The following CHD1L variants were observed in gnomAD, a reference collection of about 807,000 sequenced individuals.
CHD1L encodes the protein ATP-dependent chromatin remodeler CHD1L.
Under a neutral mutation model 115.9 loss-of-function variants are expected in CHD1L, and 118 were observed. The ratio of observed to expected loss-of-function variants is 1.02; its 90% CI spans 0.88 to 1.19. CHD1L has a LOEUF of 1.19. Ranked by LOEUF, CHD1L falls within the 50% of genes most tolerant of loss-of-function variation. CHD1L has a pLI of 0.00. For synonymous variants in CHD1L, 411 were observed against 387.1 expected, an observed-to-expected ratio of 1.06 and a Z score of -0.72; for missense variants, 1,179 against 1,065.3, an observed-to-expected ratio of 1.11 and a Z score of -1.49.
At position 147,254,982 on chromosome 1, in the gene CHD1L, G is replaced by C. The variant is rs782443190; in HGVS notation, c.347+6G>C. ...TGGAAAGAAGAAATGCAGAGGTACA[G>C]AGTAGATGTAGCTGAAATTTTATTG... is the stretch of plus-strand genomic sequence containing the variant. On this transcript the variant is annotated splice_donor_region_variant and intron_variant, in intron 3 of 22. Transcript: ENST00000369258. The C allele has an allele frequency of 3.9e-6, 6 of 1,553,924 alleles. No individual in the cohort carries two copies. Among genetic ancestry groups the C allele is most frequent in the East Asian group, 2.3e-5 (1 of 44,052 alleles).
chr1:147,288,886 G>C (rs1244582980), intron 19 of CHD1L, among the ~76,000 whole-genome samples: 6 of 152,046 alleles, frequency 3.9e-5, no homozygotes, highest in African/African-American at 1.4e-4. Flanking sequence ...AAGGGAAAAA[G>C]GCACCTCCTT....
Position 147,287,685 on chromosome 1 carries a change from C to T in CHD1L, c.2272C>T (p.Arg758Ter), listed in dbSNP as rs190301424. 82 of 1,613,890 alleles carry T rather than the reference C, an allele frequency of 5.1e-5. No individual in the cohort carries two copies. The East Asian group carries it at 1.0e-3, about 21-fold the overall frequency. Residue 758 changes from arginine (R) to a stop codon, truncating the protein, a stop_gained, in exon 19 of 23, where the codon CGA becomes TGA. Coordinates refer to ENST00000369258, the MANE Select transcript of CHD1L (RefSeq NM_004284.6). LOFTEE classifies it high-confidence loss of function. ...RGGLFTALEK[R>*]SAEPRKIYEL... ...TGGTTTATTTACAGCTCTGGAAAAG[C>T]GATCCGCTGAGCCAAGAAAAATATA...
chr1:147,209,955 A>C, the CHD1L span: 1 of 152,188 alleles, frequency 6.6e-6, no homozygotes, highest in Non-Finnish European at 1.5e-5. Context: ...CTGTCTCTTC[A>C]AATGTGTTTT....
the CHD1L span, among the ~76,000 whole-genome samples, chr1:147,231,970 T>C: frequency 5.2e-4 from 79 of 152,356 alleles, no homozygotes; most frequent in African/African-American, 1.8e-3. Context: ...CCCAGTGAGA[T>C]GAACCCAGTA....
At chr1:147,221,932 G>C in the CHD1L span, among the ~76,000 whole-genome samples, 2 of 152,254 alleles carry the variant, frequency 1.3e-5, no homozygotes, top group African/African-American at 4.8e-5. Context: ...TATTGGGTTA[G>C]TGAGTAGAAG....
chr1:147,275,190 C>A (rs1677864467), intron 12 of CHD1L, among the ~76,000 whole-genome samples, 164 bp from the exon 13 acceptor site: 1 of 152,154 alleles, frequency 6.6e-6, no homozygotes. Flanking sequence ...CTTCTCACCG[C>A]TGGAACAAGG....
chr1:147,259,798 A>C (rs1365148061), intron 5 of CHD1L, 39 bp from the exon 6 acceptor site: 2 of 1,539,728 alleles, frequency 1.3e-6, no homozygotes, highest in Admixed American at 1.7e-5. Context: ...ATATGTGTTT[A>C]AATTACACAA....
At chr1:147,173,380 G>C in the CHD1L span, 2 of 152,304 alleles carry the variant, frequency 1.3e-5, no homozygotes, top group African/African-American at 4.8e-5. Context: ...TCGCAGGGAA[G>C]AATTCAAGAT....
the CHD1L span, among the ~76,000 whole-genome samples, chr1:147,228,964 G>A: frequency 6.6e-6 from 1 of 152,122 alleles, no homozygotes; most frequent in Non-Finnish European, 1.5e-5. Context: ...TAGGTTGCCT[G>A]TTCACTCTGA....
chr1:147,289,644 A>G (rs1684724852), intron 19 of CHD1L, among the ~76,000 whole-genome samples: 1 of 152,198 alleles, frequency 6.6e-6, no homozygotes, highest in South Asian at 2.1e-4. Context: ...GGCTTCATGG[A>G]GGTCCTGGGC....
At position 147,285,480 on chromosome 1, in the gene CHD1L, A is replaced by G; in HGVS notation, c.2011A>G (p.Lys671Glu). The change falls in exon 17 of 23, where the codon AAG (lysine) becomes GAG (glutamate). Residue 671 changes from lysine (K) to glutamate (E), a missense_variant. Transcript: ENST00000369258. ...GAGGCAAAAGGAAGAGGCTGAACAT[A>G]AGAAAAAGTATGTCTGCGTTAACCA... The part of the protein sequence containing the change: ...KKRQKEEAEH[K>E]KKMAWWESNN... 1 of 1,610,454 alleles carries G rather than the reference A, an allele frequency of 6.2e-7. No individual in the cohort carries two copies. The highest frequency in any genetic ancestry group is 2.2e-5 in the East Asian group (1 of 44,846).
At chr1:147,190,385 T>C in the CHD1L span, 8 of 578,636 alleles carry the variant, frequency 1.4e-5, no homozygotes, top group East Asian at 2.3e-4. Flanking sequence ...TACAATTCAC[T>C]TGATCACCTT....
intron 15 of CHD1L, among the ~76,000 whole-genome samples, chr1:147,281,621 C>A (rs1422871637): frequency 1.3e-5 from 2 of 152,070 alleles, no homozygotes; most frequent in Non-Finnish European, 2.9e-5. Flanking sequence ...AGAACTCTTT[C>A]TTGTTCTCTG....
chr1:147,204,885 C>T, the CHD1L span: 1 of 1,588,386 alleles, frequency 6.3e-7, no homozygotes, highest in Non-Finnish European at 8.6e-7. Flanking sequence ...TCGCTCCCTC[C>T]TTGAGCATCT....
chr1:147,203,970 G>T, the CHD1L span: 1 of 1,224,440 alleles, frequency 8.2e-7, no homozygotes, highest in Non-Finnish European at 1.2e-6. Context: ...CAGAGTCTTC[G>T]GACATCCCAT....
the CHD1L span, among the ~76,000 whole-genome samples, chr1:147,174,094 A>G: frequency 1.3e-5 from 2 of 152,170 alleles, no homozygotes; most frequent in South Asian, 4.1e-4. Context: ...AGTACAACAA[A>G]TTCACTACTC....
chr1:147,294,457 G>A lies in CHD1L; in HGVS notation c.2555G>A (p.Trp852Ter). 2 of 1,613,136 alleles carry A rather than the reference G, an allele frequency of 1.2e-6. No homozygotes were observed. Among genetic ancestry groups the A allele is most frequent in the South Asian group, 1.1e-5 (1 of 90,890 alleles). Reference protein sequence around the residue: ...RIGHATKGFNWYGTERLIRKH... With the variant: ...RIGHATKGFN ...GGACATGCCACGAAAGGTTTTAACT[G>A]GTATGGTACTGAGCGACTTATTCGG... is the stretch of plus-strand genomic sequence containing the variant. The change falls in exon 22 of 23, where the codon TGG becomes TAG. Residue 852 changes from tryptophan (W) to a stop codon, truncating the protein, a stop_gained. Coordinates refer to ENST00000369258, the MANE Select transcript of CHD1L (RefSeq NM_004284.6). LOFTEE classifies it high-confidence loss of function.
intron 11 of CHD1L, among the ~76,000 whole-genome samples, chr1:147,271,597 G>A (rs1387609510): frequency 1.3e-5 from 2 of 151,532 alleles, no homozygotes; most frequent in Admixed American, 6.6e-5. Context: ...AGTTCAGACC[G>A]GGTGTCTGAG....
chr1:147,255,713 G>C (rs1669890893), intron 3 of CHD1L, 100 bp from the exon 4 acceptor site: 1 of 782,506 alleles, frequency 1.3e-6, no homozygotes, highest in Admixed American at 2.5e-5. Context: ...CATGAGTTCT[G>C]TACATTGCAA....
Sources: gnomAD v4.1 joint callset for allele counts (sites outside exome capture counted in the v4.1 genomes callset) on GRCh38, gnomAD v4.1.1 for gene constraint, MANE v1.5 for transcripts, NCBI Gene and HGNC (gene_info 2026-07-23, HGNC 2026-07-21) for gene names.